ZNF536: variants seen among roughly 807,000 people sequenced by gnomAD.
ZNF536 encodes zinc finger protein 536.
A neutral mutation model predicts 84.5 loss-of-function variants in ZNF536; 13 were observed. The observed-to-expected ratio is 0.15, with a 90% CI of 0.10 to 0.24. The LOEUF (loss-of-function observed/expected upper bound fraction) is 0.24, where lower values mean the gene tolerates loss of function less well. ZNF536 is among the 10% of genes least tolerant of loss of function. ZNF536 has a pLI of 1.00. For missense variants in ZNF536, 1,536 were observed against 1,747.5 expected, an observed-to-expected ratio of 0.88 and a Z score of 2.16; for synonymous variants, 811 against 742.5, an observed-to-expected ratio of 1.09 and a Z score of -1.50.
Position 30,319,179 on chromosome 19 carries a change from C to T in ZNF536, c.-119-33189C>T, listed in dbSNP as rs144867969. On this transcript the variant is annotated intron_variant, in intron 2 of 5. Coordinates refer to the ZNF536 transcript ENST00000585628. Reference sequence around the variant, plus strand: ...GGAGTTACAGGGTCCGCACGCTCTACGCAGGTGAGTATTTCTAGGAGATGC... The same window carrying T: ...GGAGTTACAGGGTCCGCACGCTCTATGCAGGTGAGTATTTCTAGGAGATGC... Among the ~76,000 whole-genome samples the T allele has an allele frequency of 9.3e-3, 1,417 of 152,300 alleles. 5 individuals carry two copies. Among genetic ancestry groups the T allele is most frequent in the South Asian group, 0.04 (194 of 4,824 alleles).
intron 1 of ZNF536, among the ~76,000 whole-genome samples, chr19:30,657,357 A>G (rs1424532550): frequency 6.6e-6 from 1 of 152,220 alleles, no homozygotes; most frequent in African/African-American, 2.4e-5. Flanking sequence ...TGGAGAGTCC[A>G]CAGGCAACGA....
intron 1 of ZNF536, among the ~76,000 whole-genome samples, chr19:30,620,159 T>C (rs58371560): frequency 0.14 from 21,166 of 151,060 alleles, 1,542 homozygotes; most frequent in African/African-American, 0.17. Context: ...CAATAGGGAG[T>C]GGTGGGGACT....
chr19:30,519,209 C>T (rs1308702553), intron 2 of ZNF536, among the ~76,000 whole-genome samples: 1 of 152,228 alleles, frequency 6.6e-6, no homozygotes, highest in Non-Finnish European at 1.5e-5. Context: ...ACCTGCCTCC[C>T]CCAGCCCAGC....
At chr19:30,671,067 G>A (rs1014421575) in intron 1 of ZNF536, among the ~76,000 whole-genome samples, 16 of 152,058 alleles carry the variant, frequency 1.1e-4, no homozygotes, top group Non-Finnish European at 1.0e-4. Flanking sequence ...ATGCACGCAC[G>A]TGCTTCTGCA....
intron 2 of ZNF536, among the ~76,000 whole-genome samples, chr19:30,475,169 C>G (rs2053794187): frequency 1.3e-5 from 2 of 152,200 alleles, no homozygotes; most frequent in Admixed American, 1.3e-4. Flanking sequence ...CAACCTTCGT[C>G]TCCCAGGTTC....
chr19:30,279,045 A>T (rs2045343022), intron 1 of ZNF536, among the ~76,000 whole-genome samples: 1 of 151,538 alleles, frequency 6.6e-6, no homozygotes, highest in Non-Finnish European at 1.5e-5. Context: ...TCTCCATCCA[A>T]CCTCAGGGCC....
chr19:30,264,642 A>G (rs2025404998), intron 1 of ZNF536, among the ~76,000 whole-genome samples: 1 of 152,000 alleles, frequency 6.6e-6, no homozygotes, highest in Non-Finnish European at 1.5e-5. Flanking sequence ...ACTTTCTCAT[A>G]TAAGAGACAG....
intron 2 of ZNF536, among the ~76,000 whole-genome samples, chr19:30,352,031 G>A (rs573288866): frequency 4.6e-4 from 70 of 152,304 alleles, no homozygotes; most frequent in African/African-American, 1.6e-3. Flanking sequence ...ATTAAAAGCT[G>A]CTTCTCCTCT....
intron 1 of ZNF536, among the ~76,000 whole-genome samples, chr19:30,582,285 T>C (rs1417543039): frequency 2.0e-5 from 3 of 151,924 alleles, no homozygotes; most frequent in Non-Finnish European, 4.4e-5. Context: ...GGTGTGATTC[T>C]ACTGCTCACA....
In ZNF536 at chr19:30,557,717, C is replaced by G. The variant is rs2046015120; in HGVS notation, c.*553C>G. ...TATTGTGTCAGGTCGTCCTATTAACCAGGAGCAGATGACAGTAAAATTTCA... is the reference window on the plus strand; with the variant it reads ...TATTGTGTCAGGTCGTCCTATTAACGAGGAGCAGATGACAGTAAAATTTCA... On this transcript the variant is annotated 3_prime_UTR_variant, in exon 5 of 5. Transcript: ENST00000355537. The G allele has an allele frequency of 1.3e-5, 2 of 152,318 alleles. No homozygotes were observed. The highest frequency in any genetic ancestry group is 4.8e-5 in the African/African-American group (2 of 41,408). 9.4% of individuals were successfully genotyped at this position (152,318 alleles called of 1,614,324 possible). A position where few individuals can be genotyped will look rare whatever the true frequency, so the allele number is the denominator to read the frequency against.
At chr19:30,528,175 C>G (rs145969756) in intron 2 of ZNF536, among the ~76,000 whole-genome samples, 2 of 152,150 alleles carry the variant, frequency 1.3e-5, no homozygotes, top group African/African-American at 4.8e-5. Flanking sequence ...CCCATGCGTG[C>G]TTGCTGGGGT....
chr19:30,448,212 T>C (rs2052440700), intron 2 of ZNF536, among the ~76,000 whole-genome samples: 1 of 152,202 alleles, frequency 6.6e-6, no homozygotes, highest in Admixed American at 6.5e-5. Context: ...ATTTTCTGAC[T>C]AAGTAGGAGA....
chr19:30,450,664 A>C (rs1226124212), intron 2 of ZNF536, among the ~76,000 whole-genome samples: 1 of 152,234 alleles, frequency 6.6e-6, no homozygotes, highest in Admixed American at 6.5e-5. Flanking sequence ...AAATCATTTT[A>C]AAAATGATAT....
chr19:30,491,120 A>T (rs1386708145), intron 2 of ZNF536, among the ~76,000 whole-genome samples: 1 of 152,112 alleles, frequency 6.6e-6, no homozygotes, highest in Admixed American at 6.5e-5. Flanking sequence ...AATGTTGCCT[A>T]TCTTCATGAA....
chr19:30,569,118 G>A (rs1054445957), intron 1 of ZNF536, among the ~76,000 whole-genome samples: 4 of 152,200 alleles, frequency 2.6e-5, no homozygotes, highest in African/African-American at 7.2e-5. Flanking sequence ...CCCCTGGAGT[G>A]CTCAGATAAC....
chr19:30,324,671 C>A (rs1738836825), intron 2 of ZNF536, among the ~76,000 whole-genome samples: 1 of 152,192 alleles, frequency 6.6e-6, no homozygotes, highest in Admixed American at 6.5e-5. Flanking sequence ...GGATTACAGG[C>A]ATGAGCCACT....
intron 2 of ZNF536, among the ~76,000 whole-genome samples, chr19:30,326,306 C>A (rs1466863436): frequency 6.6e-6 from 1 of 152,156 alleles, no homozygotes; most frequent in Non-Finnish European, 1.5e-5. Context: ...GGAGTCTGCC[C>A]CACGGGGCGA....
intron 1 of ZNF536, among the ~76,000 whole-genome samples, chr19:30,412,105 A>G (rs985267417): frequency 2.0e-5 from 3 of 152,006 alleles, no homozygotes; most frequent in Non-Finnish European, 4.4e-5. Flanking sequence ...ACATTTTACT[A>G]CGATTTATTA....
At chr19:30,671,662 C>T (rs1366168843) in intron 1 of ZNF536, among the ~76,000 whole-genome samples, 2 of 152,136 alleles carry the variant, frequency 1.3e-5, no homozygotes, top group Non-Finnish European at 2.9e-5. Flanking sequence ...GGGCAGTCTG[C>T]AGTGACATGG....
Sources: gnomAD v4.1 joint callset for allele counts (sites outside exome capture counted in the v4.1 genomes callset) on GRCh38, gnomAD v4.1.1 for gene constraint, MANE v1.5 for transcripts, NCBI Gene and HGNC (gene_info 2026-07-23, HGNC 2026-07-21) for gene names.